Variants in TBC1D22A observed in about 807,000 individuals in gnomAD.
The protein encoded by TBC1D22A is putative GTPase activator.
Under a neutral mutation model 60.2 loss-of-function variants are expected in TBC1D22A, and 38 were observed. The observed-to-expected ratio is 0.63, with a 90% CI of 0.49 to 0.83. The LOEUF (loss-of-function observed/expected upper bound fraction) is 0.83. Among genes scored for constraint, TBC1D22A ranks in the 40% least tolerant of loss-of-function variants. TBC1D22A has a pLI of 0.00. For synonymous variants in TBC1D22A, 302 were observed against 281.7 expected (o/e 1.07, Z -0.72); for missense variants, 628 against 701.0 (o/e 0.90, Z 1.18).
chr22:46,905,070 G>T (rs534755478), intron 7 of TBC1D22A, among the ~76,000 whole-genome samples: 16 of 152,350 alleles, frequency 1.1e-4, no homozygotes, highest in African/African-American at 3.4e-4. Context: ...CACCGCGCCC[G>T]GCTGAGAAAA....
At chr22:46,848,812 A>G (rs145842979) in intron 4 of TBC1D22A, among the ~76,000 whole-genome samples, 268 of 152,092 alleles carry the variant, frequency 1.8e-3, no homozygotes, top group African/African-American at 6.1e-3. Flanking sequence ...GGGCTGAGCA[A>G]TTTGTATTTT....
At chr22:47,159,634 A>C (rs1382608987) in intron 12 of TBC1D22A, among the ~76,000 whole-genome samples, 1 of 151,846 alleles carries the variant, frequency 6.6e-6, no homozygotes, top group Non-Finnish European at 1.5e-5. Context: ...CACACCACAC[A>C]TGCACCACAT....
intron 11 of TBC1D22A, among the ~76,000 whole-genome samples, chr22:47,103,498 G>A (rs1261431203): frequency 6.6e-6 from 1 of 152,168 alleles, no homozygotes; most frequent in African/African-American, 2.4e-5. Context: ...GGTAGGGACC[G>A]GATGTCCGGT....
chr22:46,802,554 C>T (rs1427459789), intron 4 of TBC1D22A, among the ~76,000 whole-genome samples: 1 of 152,184 alleles, frequency 6.6e-6, no homozygotes, highest in Non-Finnish European at 1.5e-5. Flanking sequence ...GCCTGCAAGG[C>T]AGGCAGGGAC....
chr22:47,163,931 G>T (rs2068093269), intron 12 of TBC1D22A, among the ~76,000 whole-genome samples: 1 of 152,236 alleles, frequency 6.6e-6, no homozygotes, highest in African/African-American at 2.4e-5. Context: ...TCATTAGGCT[G>T]TGAGCAGCCC....
At chr22:46,943,346 C>T (rs190505823) in intron 8 of TBC1D22A, among the ~76,000 whole-genome samples, 5 of 152,194 alleles carry the variant, frequency 3.3e-5, no homozygotes, top group South Asian at 4.2e-4. Flanking sequence ...TTTTTCCGCA[C>T]ATGATAGACC....
intron 12 of TBC1D22A, among the ~76,000 whole-genome samples, chr22:47,163,158 C>T (rs28580276): frequency 2.2e-3 from 342 of 152,302 alleles, no homozygotes; most frequent in African/African-American, 7.9e-3. Context: ...ACTGCCCCCC[C>T]GCCCGGCCCC....
chr22:46,789,564 GT>G (rs2146869437), intron 1 of TBC1D22A: 1 of 169,872 alleles, frequency 5.9e-6, no homozygotes, highest in East Asian at 1.8e-4. Flanking sequence ...TCAAAAAAAT[GT>G]TTGTCAAGTT....
intron 8 of TBC1D22A, among the ~76,000 whole-genome samples, chr22:46,941,387 C>T (rs34784492): frequency 0.02 from 2,655 of 132,164 alleles, 173 homozygotes; most frequent in Non-Finnish European, 0.026. Context: ...AATATATATA[C>T]GGAATATATA....
chr22:46,943,218 C>A (rs769866977), intron 8 of TBC1D22A, among the ~76,000 whole-genome samples: 2 of 152,246 alleles, frequency 1.3e-5, no homozygotes, highest in Middle Eastern at 3.4e-3. Flanking sequence ...AGCCTCCCCG[C>A]GGCATCCATC....
intron 10 of TBC1D22A, among the ~76,000 whole-genome samples, chr22:47,034,750 T>C (rs549704350): frequency 6.6e-6 from 1 of 152,348 alleles, no homozygotes; most frequent in African/African-American, 2.4e-5. Flanking sequence ...ACAGGCCCAG[T>C]GCAAAGATGA....
intron 8 of TBC1D22A, chr22:46,913,943 G>A (rs2070150679): frequency 9.5e-6 from 2 of 210,476 alleles, no homozygotes; most frequent in Non-Finnish European, 1.7e-5. Context: ...TATAAGTGGT[G>A]TCTTCAGATG....
intron 12 of TBC1D22A, among the ~76,000 whole-genome samples, chr22:47,163,283 C>T (rs1292500274): frequency 1.3e-5 from 2 of 152,260 alleles, no homozygotes; most frequent in African/African-American, 2.4e-5. Context: ...GGCCATGGGT[C>T]CCCTCCCAAT....
At chr22:47,017,921 C>T (rs773450370) in intron 10 of TBC1D22A, among the ~76,000 whole-genome samples, 7 of 152,224 alleles carry the variant, frequency 4.6e-5, no homozygotes, top group Admixed American at 3.9e-4. Context: ...TCTTGGTAGC[C>T]GCGAACGTCC....
Position 47,028,089 on chromosome 22 carries a change from A to T in TBC1D22A, c.1202-8982A>T, listed in dbSNP as rs2062321918. Among the ~76,000 whole-genome samples, 1 of 152,190 alleles carries T rather than the reference A, an allele frequency of 6.6e-6. No homozygotes were observed. Among genetic ancestry groups the T allele is most frequent in the Admixed American group, 6.5e-5 (1 of 15,284 alleles). On this transcript the variant is annotated intron_variant, in intron 10 of 12. Coordinates refer to ENST00000337137, the MANE Select transcript of TBC1D22A (RefSeq NM_014346.5). The surrounding 1 kb of genome is among the most constrained non-coding windows in gnomAD (Gnocchi z 4.4). Reference sequence around the variant, plus strand: ...GGGGTGTGCTGAGTAGCTCGTGTGCACGTCTGTGAGGTGAAAATGATTTAA... The same window carrying T: ...GGGGTGTGCTGAGTAGCTCGTGTGCTCGTCTGTGAGGTGAAAATGATTTAA...
intron 4 of TBC1D22A, among the ~76,000 whole-genome samples, chr22:46,874,455 A>G (rs1373067092): frequency 6.6e-6 from 1 of 151,388 alleles, no homozygotes; most frequent in African/African-American, 2.4e-5. Context: ...AATAATCACA[A>G]TTCTGACTGA....
intron 3 of TBC1D22A, among the ~76,000 whole-genome samples, chr22:46,797,088 G>A (rs1182912852): frequency 6.6e-6 from 1 of 152,160 alleles, no homozygotes; most frequent in Non-Finnish European, 1.5e-5. Context: ...CGAGGGCACC[G>A]TCCTACACAG....
intron 8 of TBC1D22A, among the ~76,000 whole-genome samples, chr22:46,971,089 A>G (rs2074033544): frequency 6.6e-6 from 1 of 152,198 alleles, no homozygotes; most frequent in Admixed American, 6.5e-5. Context: ...TGGCGTTTAG[A>G]AGACAAATCA....
At chr22:46,928,812 A>G (rs773891819) in intron 8 of TBC1D22A, among the ~76,000 whole-genome samples, 14 of 152,254 alleles carry the variant, frequency 9.2e-5, no homozygotes, top group Non-Finnish European at 1.2e-4. Context: ...GATGGCCCAC[A>G]TCATTAATCA....
Sources: gnomAD v4.1 joint callset for allele counts (sites outside exome capture counted in the v4.1 genomes callset) on GRCh38, gnomAD v4.1.1 for gene constraint, Gnocchi (gnomAD v3.1) non-coding constraint, MANE v1.5 for transcripts, NCBI Gene and HGNC (gene_info 2026-07-23, HGNC 2026-07-21) for gene names.